The following DOCK10 variants were observed in gnomAD, a reference collection of about 807,000 sequenced individuals.
DOCK10 encodes the protein dedicator of cytokinesis 10, also known as dedicator of cytokinesis protein 10.
Under a neutral mutation model 280.1 loss-of-function variants are expected in DOCK10, and 145 were observed. The ratio of observed to expected loss-of-function variants is 0.52; its 90% confidence interval spans 0.45 to 0.59. The LOEUF (loss-of-function observed/expected upper bound fraction) is 0.59, where lower values mean the gene tolerates loss of function less well. DOCK10 is among the 20% of genes least tolerant of loss of function. The probability of loss-of-function intolerance (pLI) is 0.00; values close to 1 mark genes in which losing one functional copy is unlikely to be tolerated. For synonymous variants in DOCK10, 915 were observed against 942.2 expected (o/e 0.97, Z 0.53); for missense variants, 2,368 against 2,651.7 (o/e 0.89, Z 2.35).
At chr2:224,849,704 CT>C (rs1696601529) in intron 18 of DOCK10, 105 bp from the exon 19 acceptor site, 2 of 741,690 alleles carry the variant, frequency 2.7e-6, no homozygotes, top group East Asian at 2.7e-5. Flanking sequence ...CAATGGCAAA[CT>C]TTGTGATAAC....
chr2:225,019,563 T>C (rs1689730534), intron 1 of DOCK10, among the ~76,000 whole-genome samples: 1 of 151,700 alleles, frequency 6.6e-6, no homozygotes, highest in African/African-American at 2.4e-5. Context: ...TGGCATCTAC[T>C]CCTTCCTGGC....
At chr2:224,947,558 T>C (rs374943257) in intron 1 of DOCK10, among the ~76,000 whole-genome samples, 1 of 152,246 alleles carries the variant, frequency 6.6e-6, no homozygotes, top group African/African-American at 2.4e-5. Context: ...GCTTGACTAT[T>C]ATTTAATAGA....
Position 224,845,147 on chromosome 2 carries a change from T to C in DOCK10, c.2481+56A>G, listed in dbSNP as rs1696252835. On this transcript the variant is annotated intron_variant, in intron 21 of 55. Coordinates refer to ENST00000258390, the MANE Select transcript of DOCK10 (RefSeq NM_014689.3). ...AAGTAGCAGAGAAAGAAGATAATCT[T>C]ATGCCATTAAGCTGGTGTGCTTTTT... is the stretch of plus-strand genomic sequence containing the variant. 3 of 1,503,666 alleles carry C rather than the reference T, an allele frequency of 2.0e-6. No individual in the cohort carries two copies. The Admixed American group carries it at 6.0e-5, about 30-fold the overall frequency. 93.1% of individuals were successfully genotyped at this position (1,503,666 alleles called of 1,614,324 possible). A position where few individuals can be genotyped will look rare whatever the true frequency, so the allele number is the denominator to read the frequency against.
chr2:224,837,931 T>A, intron 24 of DOCK10, 100 bp from the exon 25 acceptor site: 1 of 892,674 alleles, frequency 1.1e-6, no homozygotes, highest in Non-Finnish European at 1.8e-6. Context: ...ATTTAATAAT[T>A]ACTGGGTGAA....
intron 2 of DOCK10, among the ~76,000 whole-genome samples, chr2:224,926,982 T>C (rs1371704285): frequency 6.6e-6 from 1 of 151,674 alleles, no homozygotes; most frequent in Non-Finnish European, 1.5e-5. Flanking sequence ...GACAGAGGAG[T>C]GAAAAAGCAA....
rs1692622279 is a variant in DOCK10, at chr2:224,796,954, C to T, written c.4827+10G>A. 1 of 1,608,244 alleles carries T rather than the reference C, an allele frequency of 6.2e-7. No homozygotes were observed. The highest frequency in any genetic ancestry group is 8.5e-7 in the Non-Finnish European group (1 of 1,176,576). ...TAACAACAGCATTAATGAAAATTGG[C>T]AGCACTTACTTGTAAGTGGGACCGG... On this transcript the variant is annotated intron_variant, in intron 43 of 55. Coordinates refer to ENST00000258390, the MANE Select transcript of DOCK10 (RefSeq NM_014689.3).
intron 1 of DOCK10, among the ~76,000 whole-genome samples, chr2:224,997,481 C>T (rs930566598): frequency 1.1e-4 from 16 of 152,228 alleles, no homozygotes; most frequent in African/African-American, 3.1e-4. Flanking sequence ...ATCCGCCCAC[C>T]TCAGCCTCTC....
chr2:224,840,102 C>G (rs984376561), intron 23 of DOCK10, 30 bp from the exon 24 acceptor site: 1 of 1,098,488 alleles, frequency 9.1e-7, no homozygotes, highest in Non-Finnish European at 1.3e-6. Flanking sequence ...AAAAAGGATA[C>G]CAATTAAATT....
At chr2:224,975,278 C>A (rs942949011) in intron 1 of DOCK10, among the ~76,000 whole-genome samples, 3 of 152,134 alleles carry the variant, frequency 2.0e-5, no homozygotes, top group African/African-American at 7.2e-5. Context: ...TTTTCTGTGG[C>A]TTTGGGATGC....
At chr2:225,009,297 A>C (rs1053524713) in intron 1 of DOCK10, among the ~76,000 whole-genome samples, 1 of 152,234 alleles carries the variant, frequency 6.6e-6, no homozygotes, top group Non-Finnish European at 1.5e-5. Context: ...CAATCACTGA[A>C]TCAAAATATT....
At chr2:224,913,915 T>C (rs1195313525) in intron 3 of DOCK10, among the ~76,000 whole-genome samples, 5 of 152,022 alleles carry the variant, frequency 3.3e-5, no homozygotes, top group Non-Finnish European at 7.4e-5. Context: ...TTTTTTTGTA[T>C]TTTTAGTAGA....
At chr2:225,002,524 G>A (rs1000479155) in intron 1 of DOCK10, among the ~76,000 whole-genome samples, 3 of 152,178 alleles carry the variant, frequency 2.0e-5, no homozygotes, top group Non-Finnish European at 4.4e-5. Flanking sequence ...GGCCTCAGTA[G>A]TTGAGATTTA....
chr2:224,780,726 C>T (rs1288505427), intron 50 of DOCK10, among the ~76,000 whole-genome samples: 1 of 151,950 alleles, frequency 6.6e-6, no homozygotes, highest in Admixed American at 6.6e-5. Flanking sequence ...CACAGTGAAA[C>T]CCCGTCTCTC....
intron 1 of DOCK10, among the ~76,000 whole-genome samples, chr2:225,034,252 G>T (rs1690162385): frequency 6.6e-6 from 1 of 152,184 alleles, no homozygotes; most frequent in African/African-American, 2.4e-5. Flanking sequence ...TGTGGAGTCA[G>T]ACTATGTGAT....
intron 50 of DOCK10, among the ~76,000 whole-genome samples, chr2:224,780,575 G>A (rs564447335): frequency 5.3e-4 from 81 of 152,226 alleles, no homozygotes; most frequent in African/African-American, 1.9e-3. Flanking sequence ...AATCTAGAGT[G>A]AGCAGAAAAT....
chr2:224,931,876 T>C (rs1303066797), intron 1 of DOCK10, among the ~76,000 whole-genome samples: 1 of 152,204 alleles, frequency 6.6e-6, no homozygotes, highest in African/African-American at 2.4e-5. Context: ...CTAAAATACC[T>C]GATATCTCCC....
intron 1 of DOCK10, among the ~76,000 whole-genome samples, chr2:224,969,031 T>A (rs572441389): frequency 1.3e-5 from 2 of 152,344 alleles, no homozygotes; most frequent in East Asian, 3.9e-4. Context: ...AGAGGCACAG[T>A]GTCTTCTGCG....
In DOCK10 at chr2:224,774,886, C is replaced by G; in HGVS notation, c.6013+19G>C. On this transcript the variant is annotated intron_variant, in intron 52 of 55. Coordinates refer to ENST00000258390, the MANE Select transcript of DOCK10 (RefSeq NM_014689.3). Reference sequence around the variant, plus strand: ...GCTGGAACAGGTGCCACATGTGTGGCCCGGCTACCTGCACCTACTTGTCAG... The same window carrying G: ...GCTGGAACAGGTGCCACATGTGTGGGCCGGCTACCTGCACCTACTTGTCAG... 6.4e-7 allele frequency: 1 copy of G among 1,566,536 alleles called. No homozygotes were observed. Among genetic ancestry groups the G allele is most frequent in the Non-Finnish European group, 8.7e-7 (1 of 1,155,150 alleles).
intron 22 of DOCK10, 81 bp downstream of exon 22, chr2:224,844,671 AG>A (rs1275768132): frequency 2.3e-6 from 2 of 876,952 alleles, no homozygotes; most frequent in African/African-American, 3.3e-5. Flanking sequence ...TGAAATGATT[AG>A]TCTCATCCTG....
Sources: gnomAD v4.1 joint callset for allele counts (sites outside exome capture counted in the v4.1 genomes callset) on GRCh38, gnomAD v4.1.1 for gene constraint, MANE v1.5 for transcripts, NCBI Gene and HGNC (gene_info 2026-07-23, HGNC 2026-07-21) for gene names.